STK31: variants seen among roughly 807,000 people sequenced by gnomAD.
STK31 encodes serine/threonine-protein kinase 31.
In STK31, 89 loss-of-function variants were observed where a neutral mutation model predicts 129.7. The observed-to-expected ratio is 0.69, with a 90% confidence interval of 0.58 to 0.82. The LOEUF is 0.82. Ranked by LOEUF, STK31 falls within the 40% of genes least tolerant of loss-of-function variation. The pLI is 0.00. For missense variants in STK31, 1,187 were observed against 1,176.4 expected (o/e 1.01, Z -0.13); for synonymous variants, 448 against 395.3 (o/e 1.13, Z -1.58).
At chr7:23,790,731 A>G (rs1280453622) in intron 21 of STK31, 93 bp from the exon 22 acceptor site, 3 of 1,192,294 alleles carry the variant, frequency 2.5e-6, no homozygotes, top group Non-Finnish European at 2.2e-6. Context: ...TTTAAAATGA[A>G]TTTGTTTTTT....
chr7:23,772,169 A>G lies in STK31; in HGVS notation c.1856A>G (p.Tyr619Cys), dbSNP rs914767320. 2 of 1,584,890 alleles carry G rather than the reference A, an allele frequency of 1.3e-6. No homozygotes were observed. Among genetic ancestry groups the G allele is most frequent in the Admixed American group, 3.8e-5 (2 of 53,124 alleles). Residue 619 changes from tyrosine (Y) to cysteine (C), a missense_variant, in exon 15 of 24, where the codon TAT becomes TGT. This residue lies in a region of STK31 where 975 missense variants were observed against 934.9 expected (regional missense o/e 1.04). Coordinates refer to ENST00000355870, the MANE Select transcript of STK31 (RefSeq NM_031414.5). Reference sequence around the variant, plus strand: ...TAGTTTAAAAAGCAGCTTATTGAATATTTAAATAAGAGTCCCAGTGTGGAT... The same window carrying G: ...TAGTTTAAAAAGCAGCTTATTGAATGTTTAAATAAGAGTCCCAGTGTGGAT... ...SIEFKKQLIE[Y>C]LNKSPSVDHL...
chr7:23,755,853 A>G (rs1156253362), intron 10 of STK31, among the ~76,000 whole-genome samples: 3 of 152,126 alleles, frequency 2.0e-5, no homozygotes, highest in Admixed American at 2.0e-4. Context: ...CCATTGGTCT[A>G]TATGTCTGTT....
intron 9 of STK31, among the ~76,000 whole-genome samples, 174 bp from the exon 10 acceptor site, chr7:23,754,141 T>C (rs1788901934): frequency 6.6e-6 from 1 of 152,176 alleles, no homozygotes; most frequent in Non-Finnish European, 1.5e-5. Context: ...CATAAAAATA[T>C]GTGGACTGAA....
intron 9 of STK31, among the ~76,000 whole-genome samples, chr7:23,753,485 G>A (rs1788852590): frequency 6.6e-6 from 1 of 152,102 alleles, no homozygotes; most frequent in South Asian, 2.1e-4. Context: ...TGGAATAAGC[G>A]GGTTGGAAAA....
intron 23 of STK31, among the ~76,000 whole-genome samples, chr7:23,822,591 T>G (rs566685410): frequency 6.6e-6 from 1 of 152,130 alleles, no homozygotes; most frequent in Non-Finnish European, 1.5e-5. Flanking sequence ...ACAGTTTGAC[T>G]TTTTCTTTTT....
intron 23 of STK31, among the ~76,000 whole-genome samples, chr7:23,828,085 G>C (rs549172173): frequency 6.6e-6 from 1 of 152,332 alleles, no homozygotes; most frequent in East Asian, 1.9e-4. Context: ...CAGATCTCCA[G>C]CTGTGTGCTG....
At chr7:23,711,993 A>G in intron 1 of STK31, 106 bp from the exon 2 acceptor site, 1 of 927,168 alleles carries the variant, frequency 1.1e-6, no homozygotes, top group Non-Finnish European at 1.6e-6. Context: ...AATTTTGATA[A>G]CTGCATTTAG....
At chr7:23,783,453 C>A in intron 16 of STK31, 130 bp from the exon 17 acceptor site, 3 of 570,090 alleles carry the variant, frequency 5.3e-6, no homozygotes, top group Admixed American at 3.8e-5. Context: ...AAGTAGAAGG[C>A]AAAATCAGTG....
Position 23,717,501 on chromosome 7 carries a change from TATC to T in STK31, c.174_176del (p.Ile58del). ...TCTAGAGTATCAATAGAAATAAGGA[TATC>T]ATGAAGATTGGTTGCTCACTGTCTG... On this transcript the variant is annotated inframe_deletion, in exon 4 of 24. Coordinates refer to ENST00000355870, the MANE Select transcript of STK31 (RefSeq NM_031414.5). 1 of 1,611,674 alleles carries T rather than the reference TATC, an allele frequency of 6.2e-7. No homozygotes were observed.
intron 21 of STK31, 57 bp downstream of exon 21, chr7:23,788,186 G>A: frequency 6.9e-7 from 1 of 1,452,872 alleles, no homozygotes; most frequent in Non-Finnish European, 9.3e-7. Context: ...TTATTAAGCA[G>A]TAGTTCAGCA....
chr7:23,731,479 CT>C (rs949263005), intron 6 of STK31, among the ~76,000 whole-genome samples: 2 of 152,154 alleles, frequency 1.3e-5, no homozygotes, highest in African/African-American at 4.8e-5. Flanking sequence ...TAAGTATTCA[CT>C]TTTCTGTGCC....
rs1794393727 is a variant in STK31, at chr7:23,829,181, G to C, written c.2830-2955G>C. Among the ~76,000 whole-genome samples, 11 of 152,144 alleles carry C rather than the reference G, an allele frequency of 7.2e-5. No individual in the cohort carries two copies. The South Asian group carries it at 2.3e-3, about 32-fold the overall frequency. ...CCACCTCGGCCTCCCAAAGTGATGGGATTACAGGCGTGAGCCACTGTGTCT... is the reference window on the plus strand; with the variant it reads ...CCACCTCGGCCTCCCAAAGTGATGGCATTACAGGCGTGAGCCACTGTGTCT... On this transcript the variant is annotated intron_variant, in intron 23 of 23. Coordinates refer to ENST00000355870, the MANE Select transcript of STK31 (RefSeq NM_031414.5).
intron 3 of STK31, among the ~76,000 whole-genome samples, chr7:23,716,668 G>T (rs1023119251): frequency 1.3e-4 from 19 of 151,874 alleles, no homozygotes; most frequent in Non-Finnish European, 2.5e-4. Context: ...TATTCCGTGG[G>T]TTATAATCCT....
intron 8 of STK31, among the ~76,000 whole-genome samples, chr7:23,740,268 A>G (rs543343540): frequency 7.9e-5 from 12 of 152,304 alleles, no homozygotes; most frequent in Non-Finnish European, 1.6e-4. Context: ...CACATTTGAC[A>G]TGTTTTAATC....
intron 13 of STK31, 23 bp downstream of exon 13, chr7:23,769,779 A>T (rs756246925): frequency 2.0e-6 from 3 of 1,472,848 alleles, no homozygotes; most frequent in Non-Finnish European, 2.8e-6. Flanking sequence ...ATTCTTTATT[A>T]TTGCCTCCTT....
intron 15 of STK31, among the ~76,000 whole-genome samples, chr7:23,775,461 G>A (rs866568444): frequency 8.5e-5 from 13 of 152,130 alleles, no homozygotes; most frequent in African/African-American, 1.9e-4. Flanking sequence ...CTATCCATGA[G>A]CATGAAAATT....
chr7:23,830,105 A>G (rs1048539545), intron 23 of STK31, among the ~76,000 whole-genome samples: 2 of 152,038 alleles, frequency 1.3e-5, no homozygotes, highest in East Asian at 1.9e-4. Context: ...GCCCGCCACA[A>G]CGCCTAGCTA....
In STK31 at chr7:23,735,754, A is replaced by C; in HGVS notation, c.700A>C (p.Arg234=). Residue 234 remains arginine, a synonymous_variant, in exon 7 of 24, where the codon AGG becomes CGG. Transcript: ENST00000355870. The part of the protein sequence containing the change: ...KKLDPGQLVL[R]NLKSPIPLWG... The stretch of plus-strand genomic sequence containing the variant: ...ATTGGATCCTGGTCAACTTGTTCTC[A>C]GGAACCTCAAAAGCCCCATTCCTTT... 6.2e-7 allele frequency: 1 copy of C among 1,614,170 alleles called. No individual in the cohort carries two copies. The highest frequency in any genetic ancestry group is 8.5e-7 in the Non-Finnish European group (1 of 1,180,038).
chr7:23,760,312 A>G (rs1359077257), intron 10 of STK31, among the ~76,000 whole-genome samples: 1 of 152,136 alleles, frequency 6.6e-6, no homozygotes, highest in African/African-American at 2.4e-5. Context: ...CTCCCTAGTC[A>G]TACCTAGGTT....
Sources: allele counts gnomAD v4.1 joint callset (sites outside exome capture counted in the v4.1 genomes callset), GRCh38; gene constraint gnomAD v4.1.1; regional missense constraint gnomAD v4.1.1; transcripts MANE v1.5; gene names NCBI Gene and HGNC (gene_info 2026-07-23, HGNC 2026-07-21).